The following GPC5 variants were observed in gnomAD, a reference collection of about 807,000 sequenced individuals.
GPC5 encodes glypican-5.
Under a neutral mutation model 53.9 loss-of-function variants are expected in GPC5, and 47 were observed. That is an observed-to-expected ratio of 0.87 (90% CI 0.69 to 1.11). GPC5 has a LOEUF of 1.11. Ranked by LOEUF, GPC5 falls within the 50% of genes most tolerant of loss-of-function variation. The pLI is 0.00. For missense variants in GPC5, 748 were observed against 713.1 expected (o/e 1.05, Z -0.56); for synonymous variants, 286 against 263.3 (o/e 1.09, Z -0.84).
chr13:91,704,128 T>C (rs999278510), intron 3 of GPC5, among the ~76,000 whole-genome samples: 7 of 152,286 alleles, frequency 4.6e-5, no homozygotes, highest in African/African-American at 1.7e-4. Context: ...TGCAGTCCAT[T>C]TCTGGCTTGT....
chr13:92,184,900 T>C (rs1257705607), intron 7 of GPC5, among the ~76,000 whole-genome samples: 2 of 152,182 alleles, frequency 1.3e-5, no homozygotes, highest in East Asian at 3.8e-4. Flanking sequence ...CCATGTCTAG[T>C]AATGTGCCAG....
In GPC5 at chr13:92,281,105, G is replaced by C. The variant is rs534049940; in HGVS notation, c.1561+136116G>C. Among the ~76,000 whole-genome samples, 21 of 152,308 alleles carry C rather than the reference G, an allele frequency of 1.4e-4. No individual in the cohort carries two copies. In the East Asian group the frequency reaches 3.3e-3, roughly 24 times the overall value. On this transcript the variant is annotated intron_variant, in intron 7 of 7. Transcript: ENST00000377067. Reference sequence around the variant, plus strand: ...ATGGCACACTGGGAGATAATATCCCGTGCCTGGCTCAGAGGGTCCCACGCC... The same window carrying C: ...ATGGCACACTGGGAGATAATATCCCCTGCCTGGCTCAGAGGGTCCCACGCC...
chr13:92,253,846 ATAT>A (rs1163123962), intron 7 of GPC5, among the ~76,000 whole-genome samples: 1 of 152,138 alleles, frequency 6.6e-6, no homozygotes, highest in Non-Finnish European at 1.5e-5. Flanking sequence ...CAAGATTAAA[ATAT>A]TATTAGTTAG....
intron 2 of GPC5, among the ~76,000 whole-genome samples, chr13:91,573,500 T>C (rs1265636284): frequency 2.0e-5 from 3 of 152,206 alleles, no homozygotes; most frequent in African/African-American, 4.8e-5. Flanking sequence ...GTAGTCATTA[T>C]TTTCATTTAA....
At chr13:91,969,774 C>T (rs1200786770) in intron 6 of GPC5, among the ~76,000 whole-genome samples, 1 of 152,176 alleles carries the variant, frequency 6.6e-6, no homozygotes, top group African/African-American at 2.4e-5. Context: ...TGCTCAACAT[C>T]AATAATCATC....
At chr13:91,989,872 C>T (rs913804726) in intron 6 of GPC5, among the ~76,000 whole-genome samples, 1 of 151,380 alleles carries the variant, frequency 6.6e-6, no homozygotes, top group African/African-American at 2.4e-5. Context: ...ATTTAATAAC[C>T]CATATATTGA....
intron 6 of GPC5, among the ~76,000 whole-genome samples, chr13:91,958,279 G>GA (rs59523811): frequency 0.45 from 62,824 of 141,152 alleles, 15,580 homozygotes; most frequent in East Asian, 0.74. Flanking sequence ...ACTGTAAAAA[G>GA]AAAAAAAAAA....
intron 7 of GPC5, among the ~76,000 whole-genome samples, chr13:92,269,972 C>T (rs922908245): frequency 6.6e-6 from 1 of 152,090 alleles, no homozygotes; most frequent in African/African-American, 2.4e-5. Context: ...GTTATATCCT[C>T]CGAGTGATTT....
chr13:92,112,750 A>C (rs1198168562), intron 6 of GPC5, among the ~76,000 whole-genome samples: 1 of 152,124 alleles, frequency 6.6e-6, no homozygotes, highest in Non-Finnish European at 1.5e-5. Flanking sequence ...GTGTGTGTGT[A>C]TATATATGTA....
At chr13:91,917,801 T>A (rs1211421505) in intron 6 of GPC5, among the ~76,000 whole-genome samples, 1 of 152,184 alleles carries the variant, frequency 6.6e-6, no homozygotes, top group East Asian at 1.9e-4. Flanking sequence ...ATTGTCCATA[T>A]CACTATCAGT....
At chr13:92,060,706 T>C (rs1234025532) in intron 6 of GPC5, among the ~76,000 whole-genome samples, 1 of 152,104 alleles carries the variant, frequency 6.6e-6, no homozygotes, top group Non-Finnish European at 1.5e-5. Flanking sequence ...GTCATTCACC[T>C]TTATATCGAA....
chr13:92,385,455 TATATACACATATATAC>T (rs2043791803), intron 7 of GPC5, among the ~76,000 whole-genome samples: 1 of 63,994 alleles, frequency 1.6e-5, no homozygotes, highest in African/African-American at 5.0e-5. Flanking sequence ...CATATATACA[TATATACACATATATAC>T]ATATATACAT....
intron 2 of GPC5, among the ~76,000 whole-genome samples, chr13:91,628,201 T>A (rs1378576463): frequency 6.6e-6 from 1 of 152,162 alleles, no homozygotes; most frequent in Non-Finnish European, 1.5e-5. Context: ...GATCTGATTA[T>A]ATAATGTAGG....
intron 6 of GPC5, among the ~76,000 whole-genome samples, chr13:92,043,516 A>G (rs2040958031): frequency 6.6e-6 from 1 of 152,236 alleles, no homozygotes; most frequent in Non-Finnish European, 1.5e-5. Context: ...GAACTGGGAA[A>G]GGTGATAGTA....
chr13:92,240,407 T>C (rs1444292265), intron 7 of GPC5: 13 of 152,166 alleles, frequency 8.5e-5, no homozygotes, highest in African/African-American at 4.8e-5. Context: ...AGTGTAATAC[T>C]ACTTGGCAAT....
Position 91,466,230 on chromosome 13 carries a change from G to A in GPC5, c.325+17308G>A, listed in dbSNP as rs554222259. Among the ~76,000 whole-genome samples the A allele has an allele frequency of 5.1e-4, 78 of 152,270 alleles. 1 individual carries two copies. The highest frequency in any genetic ancestry group is 3.1e-3 in the Admixed American group (47 of 15,278). ...AGAGCCAGAAAATTAGCGTAAAAGT[G>A]CTTAGGAATAGGAGGTGATGTGGGT... On this transcript the variant is annotated intron_variant, in intron 2 of 7. Coordinates refer to ENST00000377067, the MANE Select transcript of GPC5 (RefSeq NM_004466.6).
chr13:92,256,795 T>G (rs1459007386), intron 7 of GPC5, among the ~76,000 whole-genome samples: 3 of 152,078 alleles, frequency 2.0e-5, no homozygotes, highest in Non-Finnish European at 4.4e-5. Flanking sequence ...CCCTTTTCCC[T>G]CATCGTTTTG....
chr13:92,669,406 C>T (rs1248481877), intron 7 of GPC5, among the ~76,000 whole-genome samples: 1 of 152,152 alleles, frequency 6.6e-6, no homozygotes, highest in Non-Finnish European at 1.5e-5. Context: ...ACACCTTACA[C>T]ACACATACAC....
intron 7 of GPC5, among the ~76,000 whole-genome samples, chr13:92,724,869 T>TACATATACAC (rs1204987708): frequency 5.9e-5 from 5 of 85,366 alleles, no homozygotes; most frequent in Non-Finnish European, 1.3e-4. Context: ...TTAAGTGTCC[T>TACATATACAC]ACACATACAC....
Sources: gnomAD v4.1 joint callset for allele counts (sites outside exome capture counted in the v4.1 genomes callset) on GRCh38, gnomAD v4.1.1 for gene constraint, MANE v1.5 for transcripts, NCBI Gene and HGNC (gene_info 2026-07-23, HGNC 2026-07-21) for gene names.